The following STARD9 variants were observed in gnomAD, a reference collection of about 807,000 sequenced individuals.
STARD9 encodes the protein StAR related lipid transfer domain containing 9.
A neutral mutation model predicts 399.8 loss-of-function variants in STARD9; 346 were observed. That is an observed-to-expected ratio of 0.87 (90% CI 0.79 to 0.95). The LOEUF is 0.95. Among genes scored for constraint, STARD9 ranks in the 40% least tolerant of loss-of-function variants. The probability of loss-of-function intolerance (pLI) is 0.00; values close to 1 mark genes in which losing one functional copy is unlikely to be tolerated. For missense variants in STARD9, 5,832 were observed against 5,667.5 expected (o/e 1.03, Z -0.93); for synonymous variants, 2,203 against 2,143.5 (o/e 1.03, Z -0.77).
In STARD9 at chr15:42,685,857, G is replaced by A; in HGVS notation, c.4279G>A (p.Gly1427Arg). 1 of 1,537,076 alleles carries A rather than the reference G, an allele frequency of 6.5e-7. No individual in the cohort carries two copies. Among genetic ancestry groups the A allele is most frequent in the Admixed American group, 2.0e-5 (1 of 51,002 alleles). Residue 1427 changes from glycine (G) to arginine (R), a missense_variant, in exon 23 of 33, where the codon GGA becomes AGA. Transcript: ENST00000290607. Reference sequence around the variant, plus strand: ...TGATACGTCTAGGCTGTCTCTCTGGGGAATTCAAAGGCTTATTCAACCAGG... The same window carrying A: ...TGATACGTCTAGGCTGTCTCTCTGGAGAATTCAAAGGCTTATTCAACCAGG... ...AADTSRLSLW[G>R]IQRLIQPGAD... is the part of the protein sequence containing the mutation.
intron 26 of STARD9, among the ~76,000 whole-genome samples, chr15:42,708,913 A>C (rs1418318199): frequency 6.6e-6 from 1 of 152,178 alleles, no homozygotes; most frequent in Non-Finnish European, 1.5e-5. Flanking sequence ...ACAGGATGCT[A>C]GTTAAATTCA....
chr15:42,676,102 T>C, intron 20 of STARD9, 127 bp downstream of exon 20: 2 of 743,142 alleles, frequency 2.7e-6, no homozygotes, highest in South Asian at 1.7e-5. Flanking sequence ...AGCCCTTGTC[T>C]GAATCAACTT....
intron 3 of STARD9, among the ~76,000 whole-genome samples, chr15:42,615,394 T>C (rs2058942374): frequency 6.6e-6 from 1 of 152,174 alleles, no homozygotes; most frequent in South Asian, 2.1e-4. Context: ...TGAATCAGTT[T>C]TGGTATATTC....
chr15:42,588,791 T>TTG (rs1566854598), intron 3 of STARD9, among the ~76,000 whole-genome samples: 6 of 22,344 alleles, frequency 2.7e-4, no homozygotes, highest in African/African-American at 4.7e-4. Flanking sequence ...TTTTTTTTTT[T>TTG]TTTTTTTTTT....
chr15:42,607,829 T>C (rs1169525833), intron 3 of STARD9, among the ~76,000 whole-genome samples: 1 of 152,120 alleles, frequency 6.6e-6, no homozygotes, highest in Non-Finnish European at 1.5e-5. Context: ...ACTTACACAG[T>C]AGGGAGGATG....
intron 7 of STARD9, among the ~76,000 whole-genome samples, chr15:42,648,987 T>C (rs1257183860): frequency 6.6e-6 from 1 of 152,132 alleles, no homozygotes; most frequent in Non-Finnish European, 1.5e-5. Flanking sequence ...TCCTCCTGCC[T>C]CAGCCTCCCA....
rs1335495741 is a variant in STARD9, at chr15:42,684,416, C to T, written c.2838C>T (p.Ser946=). ...TTAAGCAGCCCCATCAGATGGTGAGCCAGGGCTTAGCATCTCTGAGGAAAT... is the reference window on the plus strand; with the variant it reads ...TTAAGCAGCCCCATCAGATGGTGAGTCAGGGCTTAGCATCTCTGAGGAAAT... The part of the protein sequence containing the change: ...MGVKQPHQMV[S]QGLASLRKSA... The change falls in exon 23 of 33, where the codon AGC becomes AGT. Residue 946 remains serine, a synonymous_variant. Transcript: ENST00000290607. The T allele has an allele frequency of 2.0e-6, 3 of 1,537,144 alleles. No individual in the cohort carries two copies. The highest frequency in any genetic ancestry group is 2.6e-6 in the Non-Finnish European group (3 of 1,146,916).
At chr15:42,711,914 C>T (rs558312470) in intron 26 of STARD9, among the ~76,000 whole-genome samples, 2 of 147,190 alleles carry the variant, frequency 1.4e-5, no homozygotes, top group South Asian at 2.2e-4. Flanking sequence ...TACCTTCCCA[C>T]GAGCAGTATA....
At chr15:42,669,022 G>T in intron 15 of STARD9, 136 bp from the exon 16 acceptor site, 1 of 658,588 alleles carries the variant, frequency 1.5e-6, no homozygotes, top group Non-Finnish European at 2.3e-6. Flanking sequence ...AAGGGCTTCT[G>T]TGGGGCTTTG....
chr15:42,713,372 C>T (rs2061286443), intron 26 of STARD9, among the ~76,000 whole-genome samples: 1 of 152,120 alleles, frequency 6.6e-6, no homozygotes, highest in East Asian at 1.9e-4. Context: ...AAGATCATGT[C>T]ATCTGCCTTT....
At chr15:42,635,083 A>C (rs1383281716) in intron 4 of STARD9, 111 bp downstream of exon 4, 19 of 544,752 alleles carry the variant, frequency 3.5e-5, no homozygotes, top group Non-Finnish European at 5.6e-5. Context: ...ACTTTAAAGA[A>C]GATTGAATGA....
chr15:42,667,777 C>T (rs2140128730), intron 15 of STARD9, among the ~76,000 whole-genome samples: 1 of 152,350 alleles, frequency 6.6e-6, no homozygotes, highest in East Asian at 1.9e-4. Context: ...CCACACCCGG[C>T]AGACAGGTTA....
At chr15:42,665,433 A>G (rs1305126238) in intron 14 of STARD9, 103 bp downstream of exon 14, 3 of 905,864 alleles carry the variant, frequency 3.3e-6, no homozygotes, top group African/African-American at 1.7e-5. Context: ...TATGTTCTCA[A>G]TTGACTCTCT....
In STARD9 at chr15:42,627,191, G is replaced by A. The variant is rs193161839; in HGVS notation, c.235-7665G>A. On this transcript the variant is annotated intron_variant, in intron 3 of 32. Coordinates refer to ENST00000290607, the MANE Select transcript of STARD9 (RefSeq NM_020759.3). ...TGTGCCTGTAGTCCCAGCTACTTGG[G>A]AGGCTAAGGTGGGAGGATTGCTTGA... Among the ~76,000 whole-genome samples, 9 of 152,288 alleles carry A rather than the reference G, an allele frequency of 5.9e-5. No homozygotes were observed. The East Asian group carries it at 1.7e-3, about 29-fold the overall frequency.
chr15:42,661,034 T>G (rs2059984107), intron 9 of STARD9, 124 bp from the exon 10 acceptor site: 2 of 669,484 alleles, frequency 3.0e-6, no homozygotes, highest in Non-Finnish European at 5.2e-6. Context: ...TACATCACAT[T>G]AGAATACAGA....
At chr15:42,664,275 A>G (rs1042912576) in intron 13 of STARD9, among the ~76,000 whole-genome samples, 4 of 152,198 alleles carry the variant, frequency 2.6e-5, no homozygotes, top group East Asian at 1.9e-4. Context: ...CAGTGGTGCA[A>G]TAATGGCTCA....
At chr15:42,621,486 G>A (rs1447121213) in intron 3 of STARD9, among the ~76,000 whole-genome samples, 1 of 152,200 alleles carries the variant, frequency 6.6e-6, no homozygotes, top group Non-Finnish European at 1.5e-5. Context: ...ACTACGATAG[G>A]TTCAGATACA....
At position 42,689,795 on chromosome 15, in the gene STARD9, G is replaced by A. The variant is rs1321646832; in HGVS notation, c.8217G>A (p.Lys2739=). 2 of 1,537,346 alleles carry A rather than the reference G, an allele frequency of 1.3e-6. No homozygotes were observed. Among genetic ancestry groups the A allele is most frequent in the African/African-American group, 1.4e-5 (1 of 73,146 alleles). ...AGGTCAGGAGGGTAGTATCAAAGAA[G>A]GTAGTGGCTGCCTTACCTTCTCAGG... ...VEEVRRVVSK[K]VVAALPSQAP... is the part of the protein sequence containing the mutation. Residue 2739 remains lysine (K), a synonymous_variant, in exon 23 of 33, where the codon AAG becomes AAA. Coordinates refer to ENST00000290607, the MANE Select transcript of STARD9 (RefSeq NM_020759.3).
At chr15:42,694,445 T>A in intron 23 of STARD9, 83 bp from the exon 24 acceptor site, 1 of 1,523,028 alleles carries the variant, frequency 6.6e-7, no homozygotes. Flanking sequence ...CTGGTTCATC[T>A]CTGGGATCTT....
Sources: gnomAD v4.1 joint callset for allele counts (sites outside exome capture counted in the v4.1 genomes callset) on GRCh38, gnomAD v4.1.1 for gene constraint, MANE v1.5 for transcripts, NCBI Gene and HGNC (gene_info 2026-07-23, HGNC 2026-07-21) for gene names.